Variants in KIAA2012 observed in about 807,000 individuals in gnomAD.
The protein encoded by KIAA2012 is uncharacterized protein KIAA2012.
KIAA2012 carries 125 observed loss-of-function variants against 150.6 expected under a neutral mutation model. The ratio of observed to expected loss-of-function variants is 0.83; its 90% CI spans 0.72 to 0.96. The LOEUF (loss-of-function observed/expected upper bound fraction) is 0.96, where lower values mean the gene tolerates loss of function less well. Ranked by LOEUF, KIAA2012 falls within the 40% of genes least tolerant of loss-of-function variation. KIAA2012 has a pLI of 0.00. For missense variants in KIAA2012, 1,219 were observed against 1,354.9 expected (o/e 0.90, Z 1.57); for synonymous variants, 462 against 504.7 (o/e 0.92, Z 1.13).
At chr2:202,201,929 T>C (rs1046141677) in intron 22 of KIAA2012, 6 of 803,752 alleles carry the variant, frequency 7.5e-6, no homozygotes, top group African/African-American at 5.0e-5. Context: ...GGGACGGTTA[T>C]CTTTTCCGTC....
intron 15 of KIAA2012, among the ~76,000 whole-genome samples, chr2:202,173,857 T>C (rs1691942613): frequency 6.6e-6 from 1 of 152,168 alleles, no homozygotes; most frequent in Non-Finnish European, 1.5e-5. Flanking sequence ...TTAAAACTTA[T>C]CAGACTAAGA....
intron 12 of KIAA2012, among the ~76,000 whole-genome samples, chr2:202,127,809 C>T (rs1407908656): frequency 6.6e-6 from 1 of 152,094 alleles, no homozygotes; most frequent in African/African-American, 2.4e-5. Context: ...TTTTTAATTG[C>T]GGTAAAATAC....
intron 2 of KIAA2012, among the ~76,000 whole-genome samples, chr2:202,081,714 A>G (rs1358459429): frequency 1.3e-5 from 2 of 151,530 alleles, no homozygotes; most frequent in Non-Finnish European, 2.9e-5. Flanking sequence ...CACCCAGCTA[A>G]TTTTGTATTT....
intron 2 of KIAA2012, among the ~76,000 whole-genome samples, chr2:202,090,355 T>G (rs1019560143): frequency 9.9e-5 from 15 of 152,272 alleles, no homozygotes; most frequent in Admixed American, 2.0e-4. Context: ...GGACATGATT[T>G]GTCTGTCCCA....
Position 202,104,942 on chromosome 2 carries a change from C to A in KIAA2012, c.1325-819C>A, listed in dbSNP as rs1690142323. On this transcript the variant is annotated intron_variant, in intron 8 of 23. Coordinates refer to ENST00000498697, the MANE Select transcript of KIAA2012 (RefSeq NM_001277372.4). This position sits in a 1 kb window ranked among gnomAD's most constrained non-coding sequence, Gnocchi z 4.3. ...AAGGTGAGGAAAACCACCAGGCCAT[C>A]ATGAACCAGATTCTTAAAGCCAGAT... 6.6e-6 allele frequency among the ~76,000 whole-genome samples: 1 copy of A among 152,202 alleles called. No individual in the cohort carries two copies. Among genetic ancestry groups the A allele is most frequent in the Admixed American group, 6.5e-5 (1 of 15,276 alleles).
At chr2:202,102,886 C>A in intron 7 of KIAA2012, 60 bp from the exon 8 acceptor site, 1 of 1,464,938 alleles carries the variant, frequency 6.8e-7, no homozygotes, top group Non-Finnish European at 9.3e-7. Context: ...ATCGTTTGCC[C>A]CTGCAGGCAG....
At chr2:202,122,149 T>C (rs1009266642) in intron 11 of KIAA2012, among the ~76,000 whole-genome samples, 4 of 152,226 alleles carry the variant, frequency 2.6e-5, no homozygotes, top group Admixed American at 1.3e-4. Flanking sequence ...GGGAAAGCCT[T>C]GTATGCCAGG....
chr2:202,153,218 G>A (rs902864866), intron 13 of KIAA2012, among the ~76,000 whole-genome samples: 5 of 152,270 alleles, frequency 3.3e-5, no homozygotes, highest in East Asian at 1.9e-4. Context: ...CAATGGGAAC[G>A]GAACAGCCAT....
Position 202,103,124 on chromosome 2 carries a change from G to C in KIAA2012, c.1324+10G>C. The C allele has an allele frequency of 6.5e-7, 1 of 1,549,870 alleles. No individual in the cohort carries two copies. Among genetic ancestry groups the C allele is most frequent in the Non-Finnish European group, 8.7e-7 (1 of 1,146,890 alleles). On this transcript the variant is annotated intron_variant, in intron 8 of 23. Coordinates refer to ENST00000498697, the MANE Select transcript of KIAA2012 (RefSeq NM_001277372.4). Reference sequence around the variant, plus strand: ...AAAGCCCACAGAAGAGGTAGGTCCCGGGTGCATGGGCACTCCTGAGGGAGA... The same window carrying C: ...AAAGCCCACAGAAGAGGTAGGTCCCCGGTGCATGGGCACTCCTGAGGGAGA...
chr2:202,151,341 G>T (rs1199297710), intron 13 of KIAA2012, among the ~76,000 whole-genome samples: 1 of 152,092 alleles, frequency 6.6e-6, no homozygotes, highest in African/African-American at 2.4e-5. Context: ...AGGTTGCAGT[G>T]AGCCAAGATT....
At position 202,188,180 on chromosome 2, in the gene KIAA2012, G is replaced by A; in HGVS notation, c.2405G>A (p.Arg802Lys). ...AGGGATTTGATTAACGAGGCCAAGAGAAAGGAAAAACCCAAGAAAGACAAA... is the reference window on the plus strand; with the variant it reads ...AGGGATTTGATTAACGAGGCCAAGAAAAAGGAAAAACCCAAGAAAGACAAA... ...HERDLINEAK[R>K]KEKPKKDKTK... Residue 802 changes from arginine to lysine, a missense_variant, in exon 18 of 24, where the codon AGA becomes AAA. Physicochemically the swap from Arg to Lys is conservative, Grantham distance 26. Coordinates refer to ENST00000498697, the MANE Select transcript of KIAA2012 (RefSeq NM_001277372.4). 6 of 1,550,624 alleles carry A rather than the reference G, an allele frequency of 3.9e-6. No individual in the cohort carries two copies. Among genetic ancestry groups the A allele is most frequent in the Non-Finnish European group, 5.2e-6 (6 of 1,146,974 alleles).
At chr2:202,112,484 A>C (rs1690392329) in intron 10 of KIAA2012, among the ~76,000 whole-genome samples, 1 of 152,174 alleles carries the variant, frequency 6.6e-6, no homozygotes, top group Admixed American at 6.5e-5. Flanking sequence ...GAACCCAAGG[A>C]GAGGGAGGAT....
chr2:202,172,928 G>A (rs1293391311), intron 15 of KIAA2012, among the ~76,000 whole-genome samples: 1 of 152,242 alleles, frequency 6.6e-6, no homozygotes, highest in Non-Finnish European at 1.5e-5. Context: ...GCTATCTGCA[G>A]CCTGCAGTAC....
At chr2:202,118,791 G>C (rs903540540) in intron 11 of KIAA2012, among the ~76,000 whole-genome samples, 10 of 152,174 alleles carry the variant, frequency 6.6e-5, no homozygotes, top group African/African-American at 2.2e-4. Flanking sequence ...CCTCACTGTA[G>C]TGAGACCAGT....
chr2:202,098,739 G>A (rs2105920073), intron 5 of KIAA2012, among the ~76,000 whole-genome samples: 1 of 152,080 alleles, frequency 6.6e-6, no homozygotes, highest in Middle Eastern at 3.4e-3. Context: ...CAAGGTTACT[G>A]TGAGAATTAA....
intron 11 of KIAA2012, 96 bp downstream of exon 11, chr2:202,113,542 A>G: frequency 1.3e-6 from 1 of 784,320 alleles, no homozygotes; most frequent in Non-Finnish European, 2.0e-6. Flanking sequence ...CAGCGACATC[A>G]TTAAAAACAG....
At chr2:202,133,604 A>C (rs948302911) in intron 12 of KIAA2012, among the ~76,000 whole-genome samples, 6 of 152,188 alleles carry the variant, frequency 3.9e-5, no homozygotes, top group African/African-American at 1.4e-4. Flanking sequence ...AGATCTGTCT[A>C]CTTGACTCCC....
chr2:202,085,830 T>C (rs1689554410), intron 2 of KIAA2012, among the ~76,000 whole-genome samples: 1 of 152,134 alleles, frequency 6.6e-6, no homozygotes, highest in East Asian at 1.9e-4. Context: ...TGCACCATGG[T>C]GCAAGCTTCT....
chr2:202,094,207 C>T (rs542562965), intron 4 of KIAA2012, among the ~76,000 whole-genome samples: 28 of 152,268 alleles, frequency 1.8e-4, no homozygotes, highest in Middle Eastern at 3.4e-3. Context: ...CACTTGAGCC[C>T]AGGAGTTCAA....
Sources: gnomAD v4.1 joint callset for allele counts (sites outside exome capture counted in the v4.1 genomes callset) on GRCh38, gnomAD v4.1.1 for gene constraint, Gnocchi (gnomAD v3.1) non-coding constraint, MANE v1.5 for transcripts, NCBI Gene and HGNC (gene_info 2026-07-23, HGNC 2026-07-21) for gene names.